AUTS2: variants seen among roughly 807,000 people sequenced by gnomAD.
AUTS2 encodes autism susceptibility gene 2 protein.
A neutral mutation model predicts 112.4 loss-of-function variants in AUTS2; 17 were observed. That is an observed-to-expected ratio of 0.15 (90% CI 0.10 to 0.23). The LOEUF (loss-of-function observed/expected upper bound fraction) is 0.23. Among genes scored for constraint, AUTS2 ranks in the 10% least tolerant of loss-of-function variants. The pLI is 1.00. For synonymous variants in AUTS2, 751 were observed against 702.7 expected, an observed-to-expected ratio of 1.07 and a Z score of -1.09; for missense variants, 1,510 against 1,701.6, an observed-to-expected ratio of 0.89 and a Z score of 1.98.
At chr7:70,326,917 C>CT (rs552893729) in intron 4 of AUTS2, among the ~76,000 whole-genome samples, 90,887 of 120,246 alleles carry the variant, frequency 0.76, 35,197 homozygotes, top group Non-Finnish European at 0.8. Context: ...ATGCTTGGTT[C>CT]TTTTTTTTTT....
At chr7:70,496,026 CCA>C (rs1554412731) in intron 5 of AUTS2, among the ~76,000 whole-genome samples, 11 of 91,222 alleles carry the variant, frequency 1.2e-4, no homozygotes, top group East Asian at 3.2e-4. Flanking sequence ...CACACCCCCC[CCA>C]CACACATGCA....
chr7:70,450,430 G>C (rs965970738), intron 5 of AUTS2, among the ~76,000 whole-genome samples: 1 of 152,210 alleles, frequency 6.6e-6, no homozygotes, highest in African/African-American at 2.4e-5. Flanking sequence ...CAAGAATGGG[G>C]TAGATCACAG....
intron 5 of AUTS2, among the ~76,000 whole-genome samples, chr7:70,603,205 T>C (rs1385667553): frequency 7.1e-6 from 1 of 141,040 alleles, no homozygotes; most frequent in Non-Finnish European, 1.6e-5. Flanking sequence ...TTTGTCCCAT[T>C]ACCCCATTTT....
Position 70,396,995 on chromosome 7 carries a change from G to A in AUTS2, c.661-38757G>A, listed in dbSNP as rs139971617. Among the ~76,000 whole-genome samples, 1,067 of 151,842 alleles carry A rather than the reference G, an allele frequency of 7.0e-3. 8 individuals are homozygous for A. The highest frequency in any genetic ancestry group is 0.025 in the African/African-American group (1,025 of 41,398). On this transcript the variant is annotated intron_variant, in intron 4 of 18. Transcript: ENST00000342771. ...ACCGTCTTACATTTCCACCAACCGT[G>A]TATAAGAGTTCCACCTCCTCACATC... is the stretch of plus-strand genomic sequence containing the variant.
At chr7:70,666,340 T>C (rs1299944484) in intron 5 of AUTS2, among the ~76,000 whole-genome samples, 1 of 152,208 alleles carries the variant, frequency 6.6e-6, no homozygotes, top group African/African-American at 2.4e-5. Context: ...ATACAGAGCT[T>C]AGTGGCATGA....
intron 4 of AUTS2, among the ~76,000 whole-genome samples, chr7:70,143,740 G>T (rs1331441117): frequency 6.6e-6 from 1 of 152,156 alleles, no homozygotes; most frequent in Non-Finnish European, 1.5e-5. Flanking sequence ...ATTGCCAAAG[G>T]TGATGACTGT....
At chr7:70,511,561 CTTTTTT>C (rs3974587) in intron 5 of AUTS2, among the ~76,000 whole-genome samples, 17 of 70,108 alleles carry the variant, frequency 2.4e-4, no homozygotes, top group African/African-American at 6.5e-4. Flanking sequence ...TTTTCATTTT[CTTTTTT>C]TTTTTTTTTT....
At chr7:70,512,905 T>G (rs1463805275) in intron 5 of AUTS2, among the ~76,000 whole-genome samples, 1 of 151,142 alleles carries the variant, frequency 6.6e-6, no homozygotes, top group Non-Finnish European at 1.5e-5. Context: ...GGGCAGTAGG[T>G]CTTGGACAAG....
chr7:69,844,513 A>G (rs941977039), intron 1 of AUTS2, among the ~76,000 whole-genome samples: 5 of 152,210 alleles, frequency 3.3e-5, no homozygotes, highest in African/African-American at 1.2e-4. Context: ...GAGAGGAAAC[A>G]TGACAGACAC....
chr7:70,735,473 C>T (rs1787727156), intron 6 of AUTS2, among the ~76,000 whole-genome samples: 1 of 152,172 alleles, frequency 6.6e-6, no homozygotes, highest in African/African-American at 2.4e-5. Flanking sequence ...CCCTGACCCT[C>T]ACGGGGGTGA....
intron 5 of AUTS2, among the ~76,000 whole-genome samples, chr7:70,507,418 A>C (rs945961728): frequency 2.6e-5 from 4 of 152,204 alleles, no homozygotes; most frequent in African/African-American, 9.6e-5. Context: ...TCTGAGGTGC[A>C]GATGAGTGTG....
At chr7:70,549,719 G>A (rs540551749) in intron 5 of AUTS2, among the ~76,000 whole-genome samples, 124 of 152,266 alleles carry the variant, frequency 8.1e-4, no homozygotes, top group African/African-American at 2.9e-3. Flanking sequence ...AAGCCACTTC[G>A]CATTGACTCA....
intron 2 of AUTS2, among the ~76,000 whole-genome samples, chr7:69,991,741 TGA>T (rs1398820028): frequency 1.3e-5 from 2 of 152,164 alleles, no homozygotes; most frequent in Admixed American, 6.5e-5. Context: ...AGAAAGGCCT[TGA>T]AACCATCCGA....
chr7:69,869,560 G>T (rs1450493663), intron 1 of AUTS2, among the ~76,000 whole-genome samples: 1 of 151,774 alleles, frequency 6.6e-6, no homozygotes, highest in Non-Finnish European at 1.5e-5. Context: ...ACACACTCAT[G>T]TACAGAAGAA....
intron 4 of AUTS2, among the ~76,000 whole-genome samples, chr7:70,327,174 T>C (rs1790530402): frequency 6.6e-6 from 1 of 152,270 alleles, no homozygotes; most frequent in South Asian, 2.1e-4. Context: ...CGCCTTGGCA[T>C]CCCAAAGTGC....
rs1554406162 is a variant in AUTS2 at position 69,927,203 on chromosome 7, T to TATATATATATAC, written c.522+27708_522+27709insTATATATACATA. 2.0e-5 allele frequency among the ~76,000 whole-genome samples: 3 copies of TATATATATATAC among 147,720 alleles called. No homozygotes were observed. In the East Asian group the frequency reaches 5.9e-4, roughly 29 times the overall value. On this transcript the variant is annotated intron_variant, in intron 2 of 18. Coordinates refer to ENST00000342771, the MANE Select transcript of AUTS2 (RefSeq NM_015570.4). ...CAATATATTTATATATATATATATATATACATACTATATATATCTTTAATT... is the reference window on the plus strand; with the variant it reads ...CAATATATTTATATATATATATATATATATATATATACATACATACTATATATATCTTTAATT...
At chr7:69,703,345 T>A (rs891732590) in intron 1 of AUTS2, among the ~76,000 whole-genome samples, 1 of 152,206 alleles carries the variant, frequency 6.6e-6, no homozygotes, top group Admixed American at 6.5e-5. Flanking sequence ...TTGGCAGAGC[T>A]ATTAAGATGA....
chr7:70,517,943 G>A (rs918617659), intron 5 of AUTS2, among the ~76,000 whole-genome samples: 3 of 152,144 alleles, frequency 2.0e-5, no homozygotes, highest in Admixed American at 6.5e-5. Flanking sequence ...GGAAGAATGG[G>A]CTGGCAAGAA....
intron 5 of AUTS2, among the ~76,000 whole-genome samples, chr7:70,662,840 T>G (rs909510908): frequency 1.3e-5 from 2 of 152,200 alleles, no homozygotes; most frequent in Non-Finnish European, 2.9e-5. Flanking sequence ...TCTCAGTCAT[T>G]GCAGTTGGTT....
Sources: gnomAD v4.1 joint callset for allele counts (sites outside exome capture counted in the v4.1 genomes callset) on GRCh38, gnomAD v4.1.1 for gene constraint, MANE v1.5 for transcripts, NCBI Gene and HGNC (gene_info 2026-07-23, HGNC 2026-07-21) for gene names.